ARPC1B: variants seen among roughly 807,000 people sequenced by gnomAD.
ARPC1B encodes the protein actin-related protein 2/3 complex subunit 1B.
ARPC1B carries 29 observed loss-of-function variants against 46.0 expected under a neutral mutation model. The ratio of observed to expected loss-of-function variants is 0.63; its 90% CI spans 0.47 to 0.86. ARPC1B has a LOEUF of 0.86. ARPC1B is among the 40% of genes least tolerant of loss of function. The probability of loss-of-function intolerance (pLI) is 0.00; values close to 1 mark genes in which losing one functional copy is unlikely to be tolerated. For missense variants in ARPC1B, 469 were observed against 529.4 expected (o/e 0.89, Z 1.12); for synonymous variants, 201 against 213.9 (o/e 0.94, Z 0.53).
rs1003103140 is a variant in ARPC1B, at chr7:99,374,936, G to C, written c.-14+155G>C. Reference sequence around the variant, plus strand: ...CCGGGGGGCGCCTGGAAGTGAGGACGCATAGATGTGGGGCGCCGCCCAATA... The same window carrying C: ...CCGGGGGGCGCCTGGAAGTGAGGACCCATAGATGTGGGGCGCCGCCCAATA... On this transcript the variant is annotated intron_variant, in intron 1 of 9. Coordinates refer to ENST00000646101, the MANE Select transcript of ARPC1B (RefSeq NM_005720.4). The surrounding 1 kb of genome is among the most constrained non-coding windows in gnomAD (Gnocchi z 5.0). Among the ~76,000 whole-genome samples the C allele has an allele frequency of 6.7e-6, 1 of 150,350 alleles. No individual in the cohort carries two copies. The highest frequency in any genetic ancestry group is 2.4e-5 in the African/African-American group (1 of 40,914).
At chr7:99,388,601 C>G (rs1794474465) in intron 4 of ARPC1B, 1 of 221,026 alleles carries the variant, frequency 4.5e-6, no homozygotes, top group African/African-American at 2.3e-5. Context: ...GTCACTTTCT[C>G]AAGGCACCAC....
intron 3 of ARPC1B, among the ~76,000 whole-genome samples, chr7:99,387,432 G>A (rs532064972): frequency 3.3e-5 from 5 of 150,528 alleles, no homozygotes; most frequent in South Asian, 4.2e-4. Flanking sequence ...AGACTGTGTC[G>A]CAATAAAAAC....
At chr7:99,375,418 GT>G (rs1794007623) in intron 1 of ARPC1B, among the ~76,000 whole-genome samples, 2 of 152,306 alleles carry the variant, frequency 1.3e-5, no homozygotes, top group East Asian at 3.9e-4. Flanking sequence ...GGCTGGCGGG[GT>G]CCCGGAACGC....
chr7:99,378,675 T>C (rs1181072386), intron 1 of ARPC1B, among the ~76,000 whole-genome samples: 1 of 150,778 alleles, frequency 6.6e-6, no homozygotes, highest in Non-Finnish European at 1.5e-5. Flanking sequence ...AGAATGAGAC[T>C]ACATCTCAAA....
intron 1 of ARPC1B, among the ~76,000 whole-genome samples, chr7:99,375,335 C>T (rs1794003940): frequency 6.6e-6 from 1 of 152,180 alleles, no homozygotes; most frequent in Admixed American, 6.5e-5. Context: ...CGCCCCTGCC[C>T]TCCTGGCCGC....
intron 1 of ARPC1B, among the ~76,000 whole-genome samples, chr7:99,377,658 G>A (rs957075846): frequency 4.7e-5 from 7 of 149,720 alleles, no homozygotes; most frequent in Non-Finnish European, 1.0e-4. Context: ...TGGAGGTGGC[G>A]GAGTTTCACT....
chr7:99,379,288 A>T (rs757769774), intron 1 of ARPC1B, among the ~76,000 whole-genome samples: 12 of 152,114 alleles, frequency 7.9e-5, no homozygotes, highest in Non-Finnish European at 1.5e-4. Context: ...GATTGTTTTC[A>T]TGTGTGTTTC....
In ARPC1B at chr7:99,389,004, T is replaced by G. The variant is rs1359432485; in HGVS notation, c.392+743T>G. 5.0e-5 allele frequency: 7 copies of G among 140,330 alleles called. No homozygotes were observed. The Admixed American group carries it at 5.1e-4, about 10-fold the overall frequency. 8.7% of individuals were successfully genotyped at this position (140,330 alleles called of 1,614,324 possible). ...CAGGCTGGAGTGCAGTGGCACAATC[T>G]CAGCTCACCGCAACCTCTGCCTCCC... On this transcript the variant is annotated intron_variant, in intron 4 of 9. Coordinates refer to ENST00000646101, the MANE Select transcript of ARPC1B (RefSeq NM_005720.4).
At position 99,379,589 on chromosome 7, in the gene ARPC1B, C is replaced by T. The variant is rs189050964; in HGVS notation, c.-14+4808C>T. 2.0e-4 allele frequency among the ~76,000 whole-genome samples: 31 copies of T among 152,284 alleles called. No homozygotes were observed. The East Asian group carries it at 5.8e-3, about 28-fold the overall frequency. On this transcript the variant is annotated intron_variant, in intron 1 of 9. Coordinates refer to ENST00000646101, the MANE Select transcript of ARPC1B (RefSeq NM_005720.4). ...AGGAAGCCAGGCAAGAAGGGTCCCG[C>T]AGCCTGTGCCTAGTCTAGCCCCAGC...
At chr7:99,394,323 GAC>G (rs1432756311) in intron 9 of ARPC1B, 126 bp from the exon 10 acceptor site, 4 of 1,087,836 alleles carry the variant, frequency 3.7e-6, no homozygotes, top group African/African-American at 3.1e-5. Context: ...CAACCCAGCT[GAC>G]AGACTCCAAA....
intron 1 of ARPC1B, among the ~76,000 whole-genome samples, chr7:99,376,871 C>CA (rs35540180): frequency 0.012 from 748 of 63,746 alleles, 5 homozygotes; most frequent in Middle Eastern, 0.053. Flanking sequence ...ACTCTGTCTC[C>CA]AAAAAAAAAA....
chr7:99,386,553 C>T (rs751651587), intron 2 of ARPC1B, 132 bp from the exon 3 acceptor site: 6 of 820,806 alleles, frequency 7.3e-6, no homozygotes, highest in African/African-American at 3.3e-5. Context: ...TTCAGGGGGC[C>T]CCTGCAAGGC....
At chr7:99,387,495 T>C (rs1794429017) in intron 3 of ARPC1B, among the ~76,000 whole-genome samples, 1 of 151,806 alleles carries the variant, frequency 6.6e-6, no homozygotes, top group South Asian at 2.1e-4. Context: ...CCCAGCACTT[T>C]GGGAGGCGGA....
At chr7:99,390,824 A>G (rs1794548573) in intron 5 of ARPC1B, 69 bp from the exon 6 acceptor site, 1 of 1,393,478 alleles carries the variant, frequency 7.2e-7, no homozygotes. Flanking sequence ...CAGCCTCCTG[A>G]GTAGCTGAGA....
At chr7:99,388,286 T>C (rs1405643511) in intron 4 of ARPC1B, 25 bp downstream of exon 4, 1 of 1,610,098 alleles carries the variant, frequency 6.2e-7, no homozygotes. Context: ...AGGGCCAGAG[T>C]GGGCTGTTAG....
chr7:99,389,563 G>C (rs1398086376), intron 4 of ARPC1B: 2 of 258,126 alleles, frequency 7.7e-6, no homozygotes, highest in African/African-American at 4.5e-5. Flanking sequence ...TGAGGGCAGA[G>C]GCCAGCCAGG....
chr7:99,386,729 A>G lies in ARPC1B; in HGVS notation c.109A>G (p.Lys37Glu). The change falls in exon 3 of 10, where the codon AAG becomes GAG. Residue 37 changes from lysine (K) to glutamate (E), a missense_variant. Lys to Glu is a moderately conservative substitution (Grantham distance 56). Transcript: ENST00000646101. Reference protein sequence around the residue: ...PNNHEVHIYEKSGAKWTKVHE... With the variant: ...PNNHEVHIYEESGAKWTKVHE... ...CAACCATGAGGTGCATATCTATGAA[A>G]AGAGCGGTGCCAAATGGACCAAGGT... 6.2e-7 allele frequency: 1 copy of G among 1,614,152 alleles called. No individual in the cohort carries two copies. The highest frequency in any genetic ancestry group is 8.5e-7 in the Non-Finnish European group (1 of 1,180,026).
intron 1 of ARPC1B, chr7:99,377,259 A>T (rs1335046080): frequency 6.6e-6 from 1 of 151,790 alleles, no homozygotes; most frequent in South Asian, 2.1e-4. Flanking sequence ...TTGGCCTCCC[A>T]AAGTGCTGGG....
Position 99,391,188 on chromosome 7 carries a change from C to G in ARPC1B, c.718C>G (p.Leu240Val), listed in dbSNP as rs1402185758. The G allele has an allele frequency of 6.8e-6, 11 of 1,614,070 alleles. No individual in the cohort carries two copies. Among genetic ancestry groups the G allele is most frequent in the Admixed American group, 1.7e-5 (1 of 60,012 alleles). Residue 240 changes from leucine (L) to valine (V), a missense_variant, in exon 7 of 10, where the codon CTG becomes GTG. Physicochemically the swap from Leu to Val is conservative, Grantham distance 32. Coordinates refer to ENST00000646101, the MANE Select transcript of ARPC1B (RefSeq NM_005720.4). ...GCTCTCTCCCCTCAGCGTCGCGACTCTGGCCTCTGAAACACTACCACTGCT... is the reference window on the plus strand; with the variant it reads ...GCTCTCTCCCCTCAGCGTCGCGACTGTGGCCTCTGAAACACTACCACTGCT... The part of the protein sequence containing the change: ...DADKKMAVAT[L>V]ASETLPLLAL...
Sources: allele counts gnomAD v4.1 joint callset (sites outside exome capture counted in the v4.1 genomes callset), GRCh38; gene constraint gnomAD v4.1.1; non-coding constraint Gnocchi (gnomAD v3.1); transcripts MANE v1.5; gene names NCBI Gene and HGNC (gene_info 2026-07-23, HGNC 2026-07-21).